The following SLC39A9 variants were observed in gnomAD, a reference collection of about 807,000 sequenced individuals.
The protein encoded by SLC39A9 is zinc transporter ZIP9.
In SLC39A9, 14 loss-of-function variants were observed where a neutral mutation model predicts 28.4. The ratio of observed to expected loss-of-function variants is 0.49; its 90% CI spans 0.33 to 0.77. SLC39A9 has a LOEUF of 0.77. SLC39A9 is among the 30% of genes least tolerant of loss of function. The probability of loss-of-function intolerance (pLI) is 0.02; values close to 1 mark genes in which losing one functional copy is unlikely to be tolerated. For synonymous variants in SLC39A9, 119 were observed against 149.6 expected, an observed-to-expected ratio of 0.80 and a Z score of 1.49; for missense variants, 283 against 381.1, an observed-to-expected ratio of 0.74 and a Z score of 2.14.
At chr14:69,407,470 TG>T (rs1218464123) in intron 1 of SLC39A9, among the ~76,000 whole-genome samples, 1 of 151,878 alleles carries the variant, frequency 6.6e-6, no homozygotes, top group Non-Finnish European at 1.5e-5. Context: ...CCCAAGTAGC[TG>T]GGATTACAGG....
chr14:69,458,309 G>T, intron 6 of SLC39A9, 54 bp from the exon 7 acceptor site: 1 of 1,595,092 alleles, frequency 6.3e-7, no homozygotes, highest in South Asian at 1.1e-5. Context: ...ACTTCTTCCT[G>T]ACCCTGAATT....
intron 1 of SLC39A9, among the ~76,000 whole-genome samples, chr14:69,407,033 G>A (rs543368904): frequency 6.6e-5 from 10 of 151,306 alleles, no homozygotes; most frequent in African/African-American, 2.2e-4. Flanking sequence ...TGTATTTTTA[G>A]TAGAGACAAG....
At chr14:69,426,251 C>T (rs1375806960) in intron 2 of SLC39A9, among the ~76,000 whole-genome samples, 1 of 152,110 alleles carries the variant, frequency 6.6e-6, no homozygotes, top group Non-Finnish European at 1.5e-5. Flanking sequence ...CATCACCAGT[C>T]GCAAGCCTGG....
rs1885969147 is a variant in SLC39A9, at chr14:69,458,477, G to A, written c.808G>A (p.Gly270Arg). ...VHVLPEVGGI[G>R]HSHKPDATGG... Reference sequence around the variant, plus strand: ...TGTCCTCCCTGAGGTGGGCGGAATAGGGCACAGCCACAAGCCCGATGCCAC... The same window carrying A: ...TGTCCTCCCTGAGGTGGGCGGAATAAGGCACAGCCACAAGCCCGATGCCAC... Residue 270 changes from glycine to arginine, a missense_variant, in exon 7 of 7, where the codon GGG becomes AGG. By Grantham distance (125) the Gly-to-Arg change is moderately radical. Coordinates refer to ENST00000336643, the MANE Select transcript of SLC39A9 (RefSeq NM_018375.5). 3.1e-6 allele frequency: 5 copies of A among 1,614,134 alleles called. No individual in the cohort carries two copies. The highest frequency in any genetic ancestry group is 4.2e-6 in the Non-Finnish European group (5 of 1,180,050).
chr14:69,461,726 G>A lies in SLC39A9; in HGVS notation c.*3133G>A, dbSNP rs189660282. The A allele has an allele frequency of 4.4e-5, 67 of 1,535,790 alleles. No homozygotes were observed. In the South Asian group the frequency reaches 4.4e-4, roughly 10 times the overall value. On this transcript the variant is annotated 3_prime_UTR_variant, in exon 7 of 7. Coordinates refer to ENST00000336643, the MANE Select transcript of SLC39A9 (RefSeq NM_018375.5). ...AGAACTAAGAGGACACACCAGCATCGGAGTGTATTAAGCCCCTGAAACACA... is the reference window on the plus strand; with the variant it reads ...AGAACTAAGAGGACACACCAGCATCAGAGTGTATTAAGCCCCTGAAACACA...
chr14:69,441,450 G>T (rs1208761937), intron 2 of SLC39A9, among the ~76,000 whole-genome samples: 2 of 152,106 alleles, frequency 1.3e-5, no homozygotes, highest in African/African-American at 4.8e-5. Flanking sequence ...CAGCTGGCCA[G>T]GTATCATTTA....
In SLC39A9 at chr14:69,458,422, C is replaced by T. The variant is rs747207715; in HGVS notation, c.753C>T (p.Ala251=). 33 of 1,614,090 alleles carry T rather than the reference C, an allele frequency of 2.0e-5. No homozygotes were observed. Among genetic ancestry groups the T allele is most frequent in the South Asian group, 5.5e-5 (5 of 91,088 alleles). Residue 251 remains alanine (A), a synonymous_variant, in exon 7 of 7, where the codon GCC becomes GCT. Transcript: ENST00000336643. ...CGGGAGTGGCCATGCTTTTCTCTGC[C>T]GGGACATTTCTTTATGTTGCCACAG... ...NATGVAMLFS[A]GTFLYVATVH...
At chr14:69,453,506 A>G (rs1336324164) in intron 4 of SLC39A9, among the ~76,000 whole-genome samples, 197 bp downstream of exon 4, 1 of 151,998 alleles carries the variant, frequency 6.6e-6, no homozygotes, top group Non-Finnish European at 1.5e-5. Context: ...AATGGTTTCT[A>G]TACTTTTTAA....
chr14:69,430,628 C>CT (rs71446389), intron 2 of SLC39A9, among the ~76,000 whole-genome samples: 16,198 of 137,648 alleles, frequency 0.12, 1,824 homozygotes, highest in African/African-American at 0.29. Context: ...ATTTTTCTTT[C>CT]TTTTTTTTTT....
chr14:69,417,074 A>G (rs1051413202), intron 1 of SLC39A9, among the ~76,000 whole-genome samples: 5 of 152,274 alleles, frequency 3.3e-5, no homozygotes, highest in African/African-American at 1.2e-4. Context: ...GGTACTGCCT[A>G]GGTTTTCTTC....
chr14:69,415,858 A>G (rs895478588), intron 1 of SLC39A9, among the ~76,000 whole-genome samples: 1 of 152,180 alleles, frequency 6.6e-6, no homozygotes, highest in African/African-American at 2.4e-5. Context: ...CCAGCCCCTC[A>G]GTCAGAAGTT....
At chr14:69,421,455 G>C (rs1230580914) in intron 1 of SLC39A9, among the ~76,000 whole-genome samples, 1 of 152,228 alleles carries the variant, frequency 6.6e-6, no homozygotes, top group Non-Finnish European at 1.5e-5. Context: ...CTACACAGGA[G>C]TCAGAGACCC....
At chr14:69,447,193 G>C (rs1275987960) in intron 3 of SLC39A9, among the ~76,000 whole-genome samples, 1 of 152,148 alleles carries the variant, frequency 6.6e-6, no homozygotes, top group African/African-American at 2.4e-5. Context: ...ACCTTGATCG[G>C]ATAGTCAAAA....
At chr14:69,418,306 G>T (rs1400450017) in intron 1 of SLC39A9, among the ~76,000 whole-genome samples, 1 of 151,918 alleles carries the variant, frequency 6.6e-6, no homozygotes, top group Admixed American at 6.6e-5. Flanking sequence ...TGCATCCCAG[G>T]GATGAAGTCA....
chr14:69,414,588 C>T (rs769809987), intron 1 of SLC39A9, among the ~76,000 whole-genome samples: 2 of 152,160 alleles, frequency 1.3e-5, no homozygotes, highest in Non-Finnish European at 2.9e-5. Context: ...AAAATGAATC[C>T]TTTCAGAAAT....
intron 2 of SLC39A9, among the ~76,000 whole-genome samples, chr14:69,434,687 G>T (rs1884661542): frequency 6.6e-6 from 1 of 152,014 alleles, no homozygotes; most frequent in Non-Finnish European, 1.5e-5. Flanking sequence ...AAAGAAAAAA[G>T]AATTTAATGC....
intron 2 of SLC39A9, among the ~76,000 whole-genome samples, chr14:69,432,342 G>A (rs1260974744): frequency 6.6e-6 from 1 of 151,998 alleles, no homozygotes; most frequent in Non-Finnish European, 1.5e-5. Flanking sequence ...ATGTTTGTTG[G>A]CAGCTTATAT....
intron 2 of SLC39A9, among the ~76,000 whole-genome samples, chr14:69,434,210 A>G (rs1281765327): frequency 6.6e-6 from 1 of 150,698 alleles, no homozygotes; most frequent in Non-Finnish European, 1.5e-5. Context: ...GAGCCTCCCA[A>G]GTAGCTGGGA....
intron 3 of SLC39A9, among the ~76,000 whole-genome samples, chr14:69,445,683 A>G (rs1367631015): frequency 6.6e-6 from 1 of 152,232 alleles, no homozygotes; most frequent in Non-Finnish European, 1.5e-5. Context: ...AGAACTGGCT[A>G]GAAAACAAAA....
Sources: gnomAD v4.1 joint callset for allele counts (sites outside exome capture counted in the v4.1 genomes callset) on GRCh38, gnomAD v4.1.1 for gene constraint, MANE v1.5 for transcripts, NCBI Gene and HGNC (gene_info 2026-07-23, HGNC 2026-07-21) for gene names.